CTNNA3: variants seen among roughly 807,000 people sequenced by gnomAD.
The protein encoded by CTNNA3 is catenin alpha-3.
A neutral mutation model predicts 95.7 loss-of-function variants in CTNNA3; 76 were observed. That is an observed-to-expected ratio of 0.79 (90% confidence interval 0.66 to 0.96). CTNNA3 has a LOEUF of 0.96. CTNNA3 is among the 40% of genes least tolerant of loss of function. The probability of loss-of-function intolerance (pLI) is 0.00; values close to 1 mark genes in which losing one functional copy is unlikely to be tolerated. For missense variants in CTNNA3, 1,191 were observed against 1,089.8 expected (o/e 1.09, Z -1.31); for synonymous variants, 431 against 374.4 (o/e 1.15, Z -1.74).
At chr10:66,498,029 G>C (rs1840156441) in intron 11 of CTNNA3, among the ~76,000 whole-genome samples, 1 of 151,916 alleles carries the variant, frequency 6.6e-6, no homozygotes, top group Non-Finnish European at 1.5e-5. Context: ...ATTCTTTCCT[G>C]TAATAAAATG....
At chr10:67,521,294 G>A (rs1441613940) in intron 5 of CTNNA3, among the ~76,000 whole-genome samples, 1 of 152,060 alleles carries the variant, frequency 6.6e-6, no homozygotes, top group Non-Finnish European at 1.5e-5. Flanking sequence ...TTATCTAGGG[G>A]CCTACAAAAG....
At chr10:66,997,039 T>C (rs946720705) in intron 7 of CTNNA3, among the ~76,000 whole-genome samples, 1 of 152,172 alleles carries the variant, frequency 6.6e-6, no homozygotes, top group Non-Finnish European at 1.5e-5. Flanking sequence ...TATAGATCTG[T>C]TTATATTAAT....
intron 13 of CTNNA3, among the ~76,000 whole-genome samples, chr10:66,161,790 T>C (rs559596429): frequency 1.3e-5 from 2 of 152,316 alleles, no homozygotes; most frequent in African/African-American, 4.8e-5. Context: ...CCCCCAAATA[T>C]GTTTTCCGAA....
intron 2 of CTNNA3, among the ~76,000 whole-genome samples, chr10:67,641,867 G>A (rs1054624140): frequency 1.4e-4 from 21 of 152,152 alleles, no homozygotes; most frequent in African/African-American, 2.4e-4. Context: ...TGGGGTAGCC[G>A]GGAGCGGGGA....
chr10:66,136,818 G>C (rs2083380742), intron 13 of CTNNA3, among the ~76,000 whole-genome samples: 1 of 151,830 alleles, frequency 6.6e-6, no homozygotes, highest in African/African-American at 2.4e-5. Flanking sequence ...TATTATTTGT[G>C]AGTTCACATA....
chr10:67,082,251 T>C (rs920225058), intron 7 of CTNNA3, among the ~76,000 whole-genome samples: 12 of 152,240 alleles, frequency 7.9e-5, no homozygotes, highest in African/African-American at 2.4e-4. Flanking sequence ...AATATATTAG[T>C]TGGTTTTAAC....
At chr10:65,975,243 A>G (rs2133284107) in intron 16 of CTNNA3, among the ~76,000 whole-genome samples, 1 of 152,272 alleles carries the variant, frequency 6.6e-6, no homozygotes, top group Middle Eastern at 3.4e-3. Context: ...CCAGACAGAG[A>G]CACAATCAGA....
intron 9 of CTNNA3, among the ~76,000 whole-genome samples, chr10:66,657,932 C>T (rs1470647269): frequency 6.6e-6 from 1 of 152,046 alleles, no homozygotes; most frequent in Non-Finnish European, 1.5e-5. Flanking sequence ...ACACTTAAGT[C>T]CTTGTACTTT....
At chr10:66,696,342 G>GA (rs1235719293) in intron 9 of CTNNA3, among the ~76,000 whole-genome samples, 20 of 152,066 alleles carry the variant, frequency 1.3e-4, no homozygotes, top group Non-Finnish European at 2.9e-4. Flanking sequence ...ATACTCACAT[G>GA]AGGAGATACA....
At chr10:66,931,065 C>G (rs1159681430) in intron 7 of CTNNA3, among the ~76,000 whole-genome samples, 3 of 151,910 alleles carry the variant, frequency 2.0e-5, no homozygotes, top group Non-Finnish European at 4.4e-5. Context: ...ACTTTCTGGA[C>G]TACATATCAT....
At chr10:66,764,002 T>C (rs1005252365) in intron 9 of CTNNA3, among the ~76,000 whole-genome samples, 2 of 152,194 alleles carry the variant, frequency 1.3e-5, no homozygotes, top group African/African-American at 2.4e-5. Flanking sequence ...TAGTGAGAGA[T>C]AACAAATAGT....
At chr10:67,573,874 TCAGTATAACTTAGTTTTAGGAA>T (rs1228341202) in intron 3 of CTNNA3, among the ~76,000 whole-genome samples, 4 of 152,180 alleles carry the variant, frequency 2.6e-5, no homozygotes, top group Non-Finnish European at 5.9e-5. Flanking sequence ...TCAAGGAACT[TCAGTATAACTTAGTTTTAGGAA>T]AGTAAATGAG....
chr10:67,568,512 C>T (rs1225303113), intron 3 of CTNNA3, among the ~76,000 whole-genome samples: 1 of 150,796 alleles, frequency 6.6e-6, no homozygotes, highest in South Asian at 2.1e-4. Context: ...TCCTTGCACG[C>T]ACACACACAC....
At chr10:66,552,854 T>C (rs1842261835) in intron 10 of CTNNA3, among the ~76,000 whole-genome samples, 2 of 152,114 alleles carry the variant, frequency 1.3e-5, no homozygotes, top group East Asian at 3.9e-4. Context: ...TCTGGGCACA[T>C]TTTCCTTTTT....
chr10:67,599,548 C>A (rs1843017676), intron 3 of CTNNA3, among the ~76,000 whole-genome samples: 1 of 151,550 alleles, frequency 6.6e-6, no homozygotes, highest in Non-Finnish European at 1.5e-5. Flanking sequence ...TTTCAAAAAA[C>A]AAATGAAAAT....
At chr10:67,128,659 G>T (rs1859842729) in intron 7 of CTNNA3, among the ~76,000 whole-genome samples, 1 of 151,970 alleles carries the variant, frequency 6.6e-6, no homozygotes, top group Non-Finnish European at 1.5e-5. Flanking sequence ...GTATTACTTT[G>T]GCAAAGGTTT....
chr10:66,825,700 G>A (rs1842481881), intron 7 of CTNNA3, among the ~76,000 whole-genome samples: 1 of 152,054 alleles, frequency 6.6e-6, no homozygotes, highest in South Asian at 2.1e-4. Context: ...CCACAAGCTA[G>A]CCAAACTTTT....
intron 13 of CTNNA3, among the ~76,000 whole-genome samples, chr10:66,203,056 C>G (rs1477649100): frequency 6.6e-6 from 1 of 152,154 alleles, no homozygotes; most frequent in Non-Finnish European, 1.5e-5. Context: ...TGGGACAAAC[C>G]ATTAAAAATT....
intron 11 of CTNNA3, among the ~76,000 whole-genome samples, chr10:66,431,339 A>G (rs539984037): frequency 1.3e-5 from 2 of 152,166 alleles, no homozygotes; most frequent in African/African-American, 2.4e-5. Context: ...ACAGTGTGGC[A>G]ATTCCTCAGG....
Sources: allele counts gnomAD v4.1 joint callset (sites outside exome capture counted in the v4.1 genomes callset), GRCh38; gene constraint gnomAD v4.1.1; transcripts MANE v1.5; gene names NCBI Gene and HGNC (gene_info 2026-07-23, HGNC 2026-07-21).